The following CRTAP variants were observed in gnomAD, a reference collection of about 807,000 sequenced individuals.
The protein encoded by CRTAP is cartilage-associated protein.
Under a neutral mutation model 42.7 loss-of-function variants are expected in CRTAP, and 33 were observed. That is an observed-to-expected ratio of 0.77 (90% confidence interval 0.59 to 1.03). The LOEUF is 1.03. CRTAP is among the 50% of genes least tolerant of loss of function. The pLI, the probability that CRTAP is intolerant of heterozygous loss-of-function variation, is 0.00. For synonymous variants in CRTAP, 243 were observed against 217.7 expected, an observed-to-expected ratio of 1.12 and a Z score of -1.02; for missense variants, 613 against 533.9, an observed-to-expected ratio of 1.15 and a Z score of -1.46.
chr3:33,125,491 G>GTTTTTTTTTTT (rs60498778), intron 3 of CRTAP, among the ~76,000 whole-genome samples: 2 of 30,126 alleles, frequency 6.6e-5, no homozygotes, highest in African/African-American at 1.3e-4. Flanking sequence ...TACAAAGTAG[G>GTTTTTTTTTTT]TTTTTTTTTT....
chr3:33,128,735 C>T (rs1292253403), intron 3 of CRTAP, among the ~76,000 whole-genome samples: 1 of 152,170 alleles, frequency 6.6e-6, no homozygotes, highest in Non-Finnish European at 1.5e-5. Flanking sequence ...TCATTTTGTA[C>T]TTCCTACCAG....
At chr3:33,127,225 T>G (rs1020525289) in intron 3 of CRTAP, among the ~76,000 whole-genome samples, 2 of 151,868 alleles carry the variant, frequency 1.3e-5, no homozygotes, top group African/African-American at 4.8e-5. Context: ...GTCCTGAGAT[T>G]TATTTTCCTC....
At position 33,147,564 on chromosome 3, in the gene CRTAP, A is replaced by G. The variant is rs2030754339; in HGVS notation, c.*5116A>G. 1 of 152,228 alleles carries G rather than the reference A, an allele frequency of 6.6e-6. No homozygotes were observed. The highest frequency in any genetic ancestry group is 1.5e-5 in the Non-Finnish European group (1 of 68,044). 9.4% of individuals were successfully genotyped at this position (152,228 alleles called of 1,614,324 possible). A position where few individuals can be genotyped will look rare whatever the true frequency, so the allele number is the denominator to read the frequency against. On this transcript the variant is annotated 3_prime_UTR_variant, in exon 7 of 7. Transcript: ENST00000320954. ...GAATTAAGCAATTTGGCCAACAGAT[A>G]CAAGATAGATTCCAGAGTTTTATCT...
rs75092161 is a variant in CRTAP, at chr3:33,117,711, C to T, written c.472-2633C>T. Among the ~76,000 whole-genome samples the T allele has an allele frequency of 3.3e-3, 499 of 152,318 alleles. 22 individuals carry two copies. The East Asian group carries it at 0.083, about 25-fold the overall frequency. ...CATGGCTGATTTAGGGTGGCTCATGCTGGTGGCTGTATCTCAGGAACCCAA... is the reference window on the plus strand; with the variant it reads ...CATGGCTGATTTAGGGTGGCTCATGTTGGTGGCTGTATCTCAGGAACCCAA... On this transcript the variant is annotated intron_variant, in intron 1 of 6. Coordinates refer to ENST00000320954, the MANE Select transcript of CRTAP (RefSeq NM_006371.5).
chr3:33,141,715 T>C (rs1392936641), intron 6 of CRTAP, among the ~76,000 whole-genome samples: 3 of 152,176 alleles, frequency 2.0e-5, no homozygotes, highest in South Asian at 4.1e-4. Context: ...AGGAGGGTTA[T>C]AGAAGAGAAG....
chr3:33,147,668 T>C lies in CRTAP; in HGVS notation c.*5220T>C, dbSNP rs1041056064. Reference sequence around the variant, plus strand: ...CTTTTTCTGCCTCCCCTCTTTGGGTTAGTGTGGTATGTACAAGCTCACTCT... The same window carrying C: ...CTTTTTCTGCCTCCCCTCTTTGGGTCAGTGTGGTATGTACAAGCTCACTCT... On this transcript the variant is annotated 3_prime_UTR_variant, in exon 7 of 7. Coordinates refer to ENST00000320954, the MANE Select transcript of CRTAP (RefSeq NM_006371.5). 5 of 152,242 alleles carry C rather than the reference T, an allele frequency of 3.3e-5. No homozygotes were observed. The highest frequency in any genetic ancestry group is 1.2e-4 in the African/African-American group (5 of 41,460). 9.4% of individuals were successfully genotyped at this position (152,242 alleles called of 1,614,324 possible).
chr3:33,126,381 G>C (rs2030073526), intron 3 of CRTAP, among the ~76,000 whole-genome samples: 1 of 152,132 alleles, frequency 6.6e-6, no homozygotes, highest in Non-Finnish European at 1.5e-5. Flanking sequence ...TTGTCCCGTA[G>C]AGATTCCCAT....
rs149973389 is a variant in CRTAP, at chr3:33,123,926, C to A, written c.622-482C>A. 8.9e-4 allele frequency among the ~76,000 whole-genome samples: 136 copies of A among 152,240 alleles called. 1 individual carries two copies. Among genetic ancestry groups the A allele is most frequent in the African/African-American group, 3.2e-3 (132 of 41,538 alleles). On this transcript the variant is annotated intron_variant, in intron 2 of 6. Transcript: ENST00000320954. Reference sequence around the variant, plus strand: ...TTTTCTTTTCGTTCCATTTTAAAAACCAGTTTTATTGAGGTACTATTTATA... The same window carrying A: ...TTTTCTTTTCGTTCCATTTTAAAAAACAGTTTTATTGAGGTACTATTTATA...
At chr3:33,128,583 G>A (rs1175368689) in intron 3 of CRTAP, among the ~76,000 whole-genome samples, 2 of 152,142 alleles carry the variant, frequency 1.3e-5, no homozygotes, top group African/African-American at 4.8e-5. Context: ...TTAATTTTTT[G>A]TTGTTGGTGG....
At chr3:33,129,108 TAAAC>T (rs1232108127) in intron 3 of CRTAP, among the ~76,000 whole-genome samples, 9 of 152,246 alleles carry the variant, frequency 5.9e-5, no homozygotes. Context: ...TTTGTTGTTA[TAAAC>T]AGTGTTTATG....
rs372318253 is a variant in CRTAP, at chr3:33,142,182, C to T, written c.1153-213C>T. ...CCTCACACAGCATGTTGGCGGATCT[C>T]GCAGAGCACTTGATACCAAGTTCAA... On this transcript the variant is annotated intron_variant, in intron 6 of 6. Transcript: ENST00000320954. Among the ~76,000 whole-genome samples the T allele has an allele frequency of 2.4e-3, 373 of 152,256 alleles. 2 individuals carry two copies. Among genetic ancestry groups the T allele is most frequent in the Middle Eastern group, 6.8e-3 (2 of 294 alleles).
intron 1 of CRTAP, among the ~76,000 whole-genome samples, chr3:33,114,992 G>A (rs1701327286): frequency 6.6e-6 from 1 of 152,178 alleles, no homozygotes; most frequent in African/African-American, 2.4e-5. Context: ...CGCCCAGGCT[G>A]GAGTGCAGAG....
chr3:33,126,903 T>C (rs144845832), intron 3 of CRTAP, among the ~76,000 whole-genome samples: 4 of 152,284 alleles, frequency 2.6e-5, no homozygotes, highest in African/African-American at 9.6e-5. Context: ...TTCTTTTGAG[T>C]TTCTGATTAG....
chr3:33,115,051 C>T (rs1213385479), intron 1 of CRTAP, among the ~76,000 whole-genome samples: 1 of 152,144 alleles, frequency 6.6e-6, no homozygotes, highest in Non-Finnish European at 1.5e-5. Context: ...CTCAGGTGAT[C>T]CTCCACCTCA....
chr3:33,132,696 G>A lies in CRTAP; in HGVS notation c.1064G>A (p.Arg355Lys). The change falls in exon 5 of 7, where the codon AGA (arginine) becomes AAA (lysine). Residue 355 changes from arginine to lysine, a missense_variant. Transcript: ENST00000320954. Reference sequence around the variant, plus strand: ...CTCTCGGATGAGCACTTCCAGCCCAGACCTGTAAGTCTGGTGCACCACACC... The same window carrying A: ...CTCTCGGATGAGCACTTCCAGCCCAAACCTGTAAGTCTGGTGCACCACACC... ...WGLSDEHFQP[R>K]PEAVQFFNVT... The A allele has an allele frequency of 6.2e-7, 1 of 1,613,952 alleles. No homozygotes were observed. Among genetic ancestry groups the A allele is most frequent in the Non-Finnish European group, 8.5e-7 (1 of 1,179,930 alleles).
At chr3:33,135,297 C>T (rs932329261) in intron 6 of CRTAP, among the ~76,000 whole-genome samples, 2 of 152,110 alleles carry the variant, frequency 1.3e-5, no homozygotes, top group Non-Finnish European at 1.5e-5. Flanking sequence ...GAAGGAACAC[C>T]AGCCAGATAC....
rs778115119 is a variant in CRTAP at position 33,120,389 on chromosome 3, C to A, written c.517C>A (p.Leu173Met). ...KAIAAAHTFL[L>M]KHPDDEMMKR... ...CATCGCCGCTGCTCACACCTTTCTA[C>A]TGAAGCATCCTGATGACGAAATGAT... The change falls in exon 2 of 7, where the codon CTG (leucine) becomes ATG (methionine). Residue 173 changes from leucine (L) to methionine (M), a missense_variant. Leu to Met is a conservative substitution (Grantham distance 15). Coordinates refer to ENST00000320954, the MANE Select transcript of CRTAP (RefSeq NM_006371.5). 1.2e-6 allele frequency: 2 copies of A among 1,614,060 alleles called. No individual in the cohort carries two copies. Among genetic ancestry groups the A allele is most frequent in the African/African-American group, 2.7e-5 (2 of 74,938 alleles).
Position 33,114,043 on chromosome 3 carries a change from C to A in CRTAP, c.-35C>A. ...TCCTTCTCCCTCCCCTTTTCCCTTC[C>A]TTCGTCCCTTCCTTCCTTCCTTTCG... is the stretch of plus-strand genomic sequence containing the variant. On this transcript the variant is annotated 5_prime_UTR_variant, in exon 1 of 7. Transcript: ENST00000320954. 1.4e-6 allele frequency: 2 copies of A among 1,420,702 alleles called. No homozygotes were observed. Among genetic ancestry groups the A allele is most frequent in the South Asian group, 1.4e-5 (1 of 73,896 alleles). 88.0% of individuals were successfully genotyped at this position (1,420,702 alleles called of 1,614,324 possible).
chr3:33,119,147 A>T (rs772004980), intron 1 of CRTAP, among the ~76,000 whole-genome samples: 3 of 152,200 alleles, frequency 2.0e-5, no homozygotes, highest in Non-Finnish European at 2.9e-5. Flanking sequence ...ACTCAGAATC[A>T]TTGGCCCCTT....
Sources: allele counts gnomAD v4.1 joint callset (sites outside exome capture counted in the v4.1 genomes callset), GRCh38; gene constraint gnomAD v4.1.1; transcripts MANE v1.5; gene names NCBI Gene and HGNC (gene_info 2026-07-23, HGNC 2026-07-21).